LPP: variants seen among roughly 807,000 people sequenced by gnomAD.
LPP encodes the protein lipoma-preferred partner.
Under a neutral mutation model 60.4 loss-of-function variants are expected in LPP, and 38 were observed. The observed-to-expected ratio is 0.63, with a 90% CI of 0.49 to 0.83. LPP has a LOEUF of 0.83. LPP is among the 40% of genes least tolerant of loss of function. The pLI, the probability that LPP is intolerant of heterozygous loss-of-function variation, is 0.00. For missense variants in LPP, 902 were observed against 783.6 expected, an observed-to-expected ratio of 1.15 and a Z score of -1.80; for synonymous variants, 328 against 290.8, an observed-to-expected ratio of 1.13 and a Z score of -1.30.
intron 1 of LPP, among the ~76,000 whole-genome samples, chr3:188,210,881 T>C (rs540548825): frequency 6.6e-6 from 1 of 152,198 alleles, no homozygotes; most frequent in South Asian, 2.1e-4. Context: ...AATTTTGACG[T>C]CCCACGCCCA....
Position 188,888,872 on chromosome 3 carries a change from C to T in LPP, c.*14393C>T. ...ACAGCTTCTTTATATTTATATCCTA[C>T]TGGATGGTAGCATATTGCTAAGGTT... On this transcript the variant is annotated 3_prime_UTR_variant, in exon 12 of 12. Coordinates refer to ENST00000617246, the MANE Select transcript of LPP (RefSeq NM_001375462.1). 4.5e-6 allele frequency: 1 copy of T among 220,074 alleles called. No homozygotes were observed. Among genetic ancestry groups the T allele is most frequent in the Non-Finnish European group, 9.1e-6 (1 of 109,644 alleles). 13.6% of individuals were successfully genotyped at this position (220,074 alleles called of 1,614,324 possible). A position where few individuals can be genotyped will look rare whatever the true frequency, so the allele number is the denominator to read the frequency against.
At chr3:188,697,651 C>T (rs142548475) in intron 7 of LPP, among the ~76,000 whole-genome samples, 27 of 152,180 alleles carry the variant, frequency 1.8e-4, no homozygotes, top group African/African-American at 6.0e-4. Flanking sequence ...CTGTTATTTT[C>T]TAAGAGCTAT....
rs541772205 is a variant in LPP, at chr3:188,258,131, C to T, written c.-67+32604C>T. Reference sequence around the variant, plus strand: ...CCCACTACAAAGAGCTCATCCTGGACTCCCCAACCAGGGAAAGAGACCTGA... The same window carrying T: ...CCCACTACAAAGAGCTCATCCTGGATTCCCCAACCAGGGAAAGAGACCTGA... On this transcript the variant is annotated intron_variant, in intron 2 of 11. Coordinates refer to ENST00000617246, the MANE Select transcript of LPP (RefSeq NM_001375462.1). 2.6e-5 allele frequency among the ~76,000 whole-genome samples: 4 copies of T among 152,338 alleles called. No homozygotes were observed. In the South Asian group the frequency reaches 8.3e-4, roughly 32 times the overall value.
rs1221866036 is a variant in LPP at position 188,352,407 on chromosome 3, T to A, written c.-10+10688T>A. Among the ~76,000 whole-genome samples, 3 of 151,978 alleles carry A rather than the reference T, an allele frequency of 2.0e-5. No individual in the cohort carries two copies. Among genetic ancestry groups the A allele is most frequent in the African/African-American group, 7.3e-5 (3 of 41,350 alleles). On this transcript the variant is annotated intron_variant, in intron 3 of 11. Coordinates refer to ENST00000617246, the MANE Select transcript of LPP (RefSeq NM_001375462.1). This position sits in a 1 kb window ranked among gnomAD's most constrained non-coding sequence, Gnocchi z 4.4. The stretch of plus-strand genomic sequence containing the variant: ...TTAGATCAGCTATTTTCTGAAGGAG[T>A]CGCTGACCTTCCCCACAATAGAAGC...
intron 2 of LPP, among the ~76,000 whole-genome samples, chr3:188,274,610 A>G (rs1017012210): frequency 6.6e-6 from 1 of 152,224 alleles, no homozygotes; most frequent in Admixed American, 6.5e-5. Context: ...TCCATCCTCC[A>G]CTAGAACTTT....
intron 2 of LPP, among the ~76,000 whole-genome samples, chr3:188,276,592 G>A (rs1462413298): frequency 6.6e-6 from 1 of 152,080 alleles, no homozygotes; most frequent in Non-Finnish European, 1.5e-5. Context: ...TCATGACTTG[G>A]TGATGTCTTT....
intron 6 of LPP, among the ~76,000 whole-genome samples, chr3:188,590,320 C>T (rs57223612): frequency 1.7e-4 from 26 of 152,204 alleles, no homozygotes; most frequent in African/African-American, 6.3e-4. Context: ...TGCCTGTAAT[C>T]CCAGTACTTT....
Position 188,884,066 on chromosome 3 carries a change from G to T in LPP, c.*9587G>T, listed in dbSNP as rs1050525337. 5 of 222,738 alleles carry T rather than the reference G, an allele frequency of 2.2e-5. No individual in the cohort carries two copies. The highest frequency in any genetic ancestry group is 3.6e-5 in the Non-Finnish European group (4 of 111,624). The allele number at this position is 222,738 out of a possible 1,614,324, so 13.8% of individuals were successfully genotyped here. On this transcript the variant is annotated 3_prime_UTR_variant, in exon 12 of 12. Transcript: ENST00000617246. ...GCAGAAACTGCCATCAGTCTCCTGG[G>T]CAGGACCTGGAGGTAACTTTCTGAG...
intron 2 of LPP, among the ~76,000 whole-genome samples, chr3:188,307,000 C>G (rs1393888308): frequency 6.6e-6 from 1 of 152,224 alleles, no homozygotes; most frequent in African/African-American, 2.4e-5. Context: ...CTGCAGCCCT[C>G]AATTTGCATC....
intron 1 of LPP, among the ~76,000 whole-genome samples, chr3:188,163,609 C>T (rs1719000793): frequency 6.6e-6 from 1 of 151,958 alleles, no homozygotes. Flanking sequence ...AACAAACATC[C>T]ACTGTTTTTG....
At chr3:188,623,095 T>A (rs1396767761) in intron 7 of LPP, among the ~76,000 whole-genome samples, 1 of 5,812 alleles carries the variant, frequency 1.7e-4, no homozygotes, top group African/African-American at 2.0e-4. Flanking sequence ...ATTGCCCCCA[T>A]GATTGTATGG....
rs536101535 is a variant in LPP, at chr3:188,217,269, G to A, written c.-189-8136G>A. Among the ~76,000 whole-genome samples the A allele has an allele frequency of 4.6e-5, 7 of 152,290 alleles. No individual in the cohort carries two copies. The South Asian group carries it at 1.5e-3, about 32-fold the overall frequency. ...TTGGGGGAAGAGCACTGCAGGCAGT[G>A]GAGACGGTCAATGCAAAGGTCAAGG... is the stretch of plus-strand genomic sequence containing the variant. On this transcript the variant is annotated intron_variant, in intron 1 of 11. Transcript: ENST00000617246. The surrounding 1 kb of genome is among the most constrained non-coding windows in gnomAD (Gnocchi z 4.0).
In LPP at chr3:188,786,235, T is replaced by C. The variant is rs989467321; in HGVS notation, c.1410+25953T>C. On this transcript the variant is annotated intron_variant, in intron 9 of 11. Transcript: ENST00000617246. ...TCTCTACTAAAAATACAAAAAAAAT[T>C]ACCCGGGCATGGTGGCGGGTGCCTA... Among the ~76,000 whole-genome samples the C allele has an allele frequency of 4.0e-5, 6 of 151,490 alleles. No homozygotes were observed. In the South Asian group the frequency reaches 6.3e-4, roughly 16 times the overall value.
intron 6 of LPP, among the ~76,000 whole-genome samples, chr3:188,536,235 C>G (rs1823580814): frequency 1.3e-5 from 2 of 152,114 alleles, no homozygotes; most frequent in African/African-American, 4.8e-5. Context: ...CCTCGAACTC[C>G]CGACCTCAGG....
chr3:188,407,859 C>T (rs1473137480), intron 4 of LPP, among the ~76,000 whole-genome samples: 2 of 121,926 alleles, frequency 1.6e-5, no homozygotes, highest in African/African-American at 6.5e-5. Flanking sequence ...GGCATTATTT[C>T]GGCTCACTGC....
chr3:188,661,365 A>T (rs774672026), intron 7 of LPP, among the ~76,000 whole-genome samples: 3 of 152,192 alleles, frequency 2.0e-5, no homozygotes, highest in Non-Finnish European at 2.9e-5. Flanking sequence ...AAGGAATGTG[A>T]TTGCCGGATC....
At chr3:188,752,619 A>G (rs547977744) in intron 8 of LPP, among the ~76,000 whole-genome samples, 8 of 152,300 alleles carry the variant, frequency 5.3e-5, no homozygotes, top group Admixed American at 1.3e-4. Context: ...TACTATGTGT[A>G]TAGATGCTAT....
intron 5 of LPP, among the ~76,000 whole-genome samples, chr3:188,490,898 G>C (rs552308012): frequency 1.9e-4 from 29 of 151,634 alleles, no homozygotes; most frequent in African/African-American, 6.8e-4. Context: ...GGGACCACAG[G>C]CACCCACCAC....
At chr3:188,488,708 C>T (rs1807371331) in intron 5 of LPP, among the ~76,000 whole-genome samples, 1 of 152,048 alleles carries the variant, frequency 6.6e-6, no homozygotes, top group Non-Finnish European at 1.5e-5. Flanking sequence ...GGGATCTTGG[C>T]TCACTGCAAC....
Sources: allele counts gnomAD v4.1 joint callset (sites outside exome capture counted in the v4.1 genomes callset), GRCh38; gene constraint gnomAD v4.1.1; non-coding constraint Gnocchi (gnomAD v3.1); transcripts MANE v1.5; gene names NCBI Gene and HGNC (gene_info 2026-07-23, HGNC 2026-07-21).